Variants in ADGRG6 observed in about 807,000 individuals in gnomAD.
The protein encoded by ADGRG6 is adhesion G protein-coupled receptor G6.
A neutral mutation model predicts 142.4 loss-of-function variants in ADGRG6; 84 were observed. The ratio of observed to expected loss-of-function variants is 0.59; its 90% CI spans 0.49 to 0.71. ADGRG6 has a LOEUF of 0.71. Among genes scored for constraint, ADGRG6 ranks in the 30% least tolerant of loss-of-function variants. The probability of loss-of-function intolerance (pLI) is 0.00; values close to 1 mark genes in which losing one functional copy is unlikely to be tolerated. For synonymous variants in ADGRG6, 521 were observed against 520.5 expected (o/e 1.00, Z -0.01); for missense variants, 1,367 against 1,466.6 (o/e 0.93, Z 1.11).
At chr6:142,364,744 T>C (rs1198184398) in intron 2 of ADGRG6, among the ~76,000 whole-genome samples, 2 of 152,160 alleles carry the variant, frequency 1.3e-5, no homozygotes, top group Non-Finnish European at 2.9e-5. Flanking sequence ...GCGTGGTGGC[T>C]CAGGCCAGTA....
In ADGRG6 at chr6:142,351,418, A is replaced by T. The variant is rs145581036; in HGVS notation, c.104-16151A>T. ...AAAGCCGCACACCTACAACCACCTG[A>T]TCTTCAACAAAGGTAACAATAACAA... On this transcript the variant is annotated intron_variant, in intron 2 of 24. Coordinates refer to ENST00000367609, the MANE Select transcript of ADGRG6 (RefSeq NM_198569.3). Among the ~76,000 whole-genome samples, 16 of 152,286 alleles carry T rather than the reference A, an allele frequency of 1.1e-4. No individual in the cohort carries two copies. The East Asian group carries it at 3.1e-3, about 29-fold the overall frequency.
At chr6:142,367,014 TAC>T (rs1287762466) in intron 2 of ADGRG6, among the ~76,000 whole-genome samples, 3 of 152,116 alleles carry the variant, frequency 2.0e-5, no homozygotes, top group East Asian at 3.8e-4. Flanking sequence ...AGAAAAAAAA[TAC>T]AGTCTGCCAG....
At position 142,370,721 on chromosome 6, in the gene ADGRG6, G is replaced by A; in HGVS notation, c.997G>A (p.Val333Ile). The change falls in exon 4 of 25, where the codon GTA (valine) becomes ATA (isoleucine). Residue 333 changes from valine (V) to isoleucine (I), a missense_variant. This residue lies in a region of ADGRG6 where 737 missense variants were observed against 746.5 expected (regional missense o/e 0.99). Transcript: ENST00000367609. The part of the protein sequence containing the change: ...SNLSCNVKGN[V>I]VDWQNDFWNI... ...CCTCAGCTGTAATGTGAAAGGGAAT[G>A]TAGTCGACTGGCAAAATGACTTCTG... 6.2e-7 allele frequency: 1 copy of A among 1,613,476 alleles called. No homozygotes were observed. Among genetic ancestry groups the A allele is most frequent in the Non-Finnish European group, 8.5e-7 (1 of 1,179,660 alleles).
chr6:142,339,144 T>C (rs1562322162), intron 2 of ADGRG6, among the ~76,000 whole-genome samples: 1 of 152,210 alleles, frequency 6.6e-6, no homozygotes, highest in East Asian at 1.9e-4. Context: ...TAGTCATCTT[T>C]ATGTTTTTGA....
chr6:142,319,059 TTTTG>T (rs1020285668), intron 2 of ADGRG6, among the ~76,000 whole-genome samples: 3 of 152,136 alleles, frequency 2.0e-5, no homozygotes, highest in African/African-American at 7.2e-5. Flanking sequence ...AAAAATTGTT[TTTTG>T]TTTGTTGAAT....
chr6:142,310,662 T>C (rs1215360183), intron 2 of ADGRG6, among the ~76,000 whole-genome samples: 1 of 151,916 alleles, frequency 6.6e-6, no homozygotes, highest in Admixed American at 6.6e-5. Flanking sequence ...TCCAAGTGTT[T>C]TAAGAGTTTC....
chr6:142,380,691 C>T (rs1781731170), intron 4 of ADGRG6, among the ~76,000 whole-genome samples: 1 of 152,130 alleles, frequency 6.6e-6, no homozygotes, highest in Admixed American at 6.5e-5. Flanking sequence ...GCCTCATGGG[C>T]CTTCTTCTTT....
intron 22 of ADGRG6, among the ~76,000 whole-genome samples, chr6:142,422,556 G>A (rs1251124346): frequency 2.0e-5 from 3 of 151,898 alleles, no homozygotes; most frequent in Admixed American, 6.6e-5. Flanking sequence ...TCTTAATCCA[G>A]TCTATCATTG....
intron 1 of ADGRG6, 22 bp from the exon 2 acceptor site, chr6:142,309,522 T>C (rs1403952874): frequency 1.3e-6 from 2 of 1,551,872 alleles, no homozygotes; most frequent in Non-Finnish European, 1.8e-6. Flanking sequence ...AATGTCCTAA[T>C]TGCCATCTTC....
At chr6:142,383,514 T>C (rs1781871659) in intron 5 of ADGRG6, among the ~76,000 whole-genome samples, 1 of 152,124 alleles carries the variant, frequency 6.6e-6, no homozygotes, top group Non-Finnish European at 1.5e-5. Flanking sequence ...ATGTCCTTTC[T>C]CTCATCACTA....
chr6:142,340,041 A>G (rs1779538066), intron 2 of ADGRG6, among the ~76,000 whole-genome samples: 1 of 152,168 alleles, frequency 6.6e-6, no homozygotes, highest in Non-Finnish European at 1.5e-5. Flanking sequence ...CCATTTAATA[A>G]AGTTAACTTC....
chr6:142,373,693 C>A (rs1583054487), intron 4 of ADGRG6, among the ~76,000 whole-genome samples: 1 of 152,068 alleles, frequency 6.6e-6, no homozygotes, highest in East Asian at 1.9e-4. Flanking sequence ...GTGTGCACCA[C>A]CATGCCCAGC....
At chr6:142,409,515 A>G (rs562499207) in intron 16 of ADGRG6, among the ~76,000 whole-genome samples, 20 of 152,258 alleles carry the variant, frequency 1.3e-4, no homozygotes, top group African/African-American at 3.8e-4. Flanking sequence ...CAATTTGTCT[A>G]TGTAAATACC....
intron 24 of ADGRG6, among the ~76,000 whole-genome samples, chr6:142,441,375 G>A (rs1248908341): frequency 6.6e-6 from 1 of 152,160 alleles, no homozygotes; most frequent in Non-Finnish European, 1.5e-5. Flanking sequence ...CCTGCTTTGT[G>A]AGAATTGTTA....
chr6:142,365,306 A>G (rs1780897412), intron 2 of ADGRG6, among the ~76,000 whole-genome samples: 1 of 152,148 alleles, frequency 6.6e-6, no homozygotes, highest in Admixed American at 6.5e-5. Context: ...AATTTGTTTG[A>G]CTTGGTTATA....
chr6:142,377,249 C>G (rs759284907), intron 4 of ADGRG6, among the ~76,000 whole-genome samples: 3 of 152,160 alleles, frequency 2.0e-5, no homozygotes, highest in Non-Finnish European at 4.4e-5. Context: ...AAAAACAAAA[C>G]AAAAAACAAC....
intron 9 of ADGRG6, 80 bp from the exon 10 acceptor site, chr6:142,397,533 T>A: frequency 7.4e-7 from 1 of 1,343,188 alleles, no homozygotes; most frequent in Non-Finnish European, 1.0e-6. Context: ...TCCCTCTACA[T>A]CCAAATACTC....
chr6:142,389,175 C>T (rs1465602332), intron 6 of ADGRG6, among the ~76,000 whole-genome samples: 1 of 151,936 alleles, frequency 6.6e-6, no homozygotes, highest in Non-Finnish European at 1.5e-5. Context: ...CTGATTCTTA[C>T]TGGAAAGACA....
At chr6:142,384,898 A>G (rs1159367198) in intron 6 of ADGRG6, among the ~76,000 whole-genome samples, 2 of 152,136 alleles carry the variant, frequency 1.3e-5, no homozygotes, top group African/African-American at 2.4e-5. Context: ...CGATTCAGAT[A>G]GTGTTTATGG....
Sources: allele counts gnomAD v4.1 joint callset (sites outside exome capture counted in the v4.1 genomes callset), GRCh38; gene constraint gnomAD v4.1.1; regional missense constraint gnomAD v4.1.1; transcripts MANE v1.5; gene names NCBI Gene and HGNC (gene_info 2026-07-23, HGNC 2026-07-21).